The following PARD3B variants were observed in gnomAD, a reference collection of about 807,000 sequenced individuals.
PARD3B encodes par-3 family cell polarity regulator beta.
In PARD3B, 103 loss-of-function variants were observed where a neutral mutation model predicts 130.2. The observed-to-expected ratio is 0.79, with a 90% CI of 0.67 to 0.93. The LOEUF is 0.93. PARD3B is among the 40% of genes least tolerant of loss of function. The pLI is 0.00. For synonymous variants in PARD3B, 583 were observed against 553.2 expected (o/e 1.05, Z -0.76); for missense variants, 1,609 against 1,499.2 (o/e 1.07, Z -1.21).
At chr2:205,199,980 A>G (rs927963926) in intron 15 of PARD3B, among the ~76,000 whole-genome samples, 1 of 152,148 alleles carries the variant, frequency 6.6e-6, no homozygotes, top group Non-Finnish European at 1.5e-5. Context: ...ATTAAAAAAA[A>G]AAAAATGTGG....
intron 16 of PARD3B, among the ~76,000 whole-genome samples, chr2:205,259,491 T>C (rs1382411924): frequency 1.3e-5 from 2 of 152,198 alleles, no homozygotes; most frequent in Non-Finnish European, 2.9e-5. Context: ...TACTCTTAAA[T>C]TCTCTTTGTC....
intron 4 of PARD3B, among the ~76,000 whole-genome samples, chr2:205,052,583 G>T (rs1699299503): frequency 6.6e-6 from 1 of 151,416 alleles, no homozygotes; most frequent in African/African-American, 2.4e-5. Context: ...TCATGAAAGA[G>T]ATTCTATTAC....
At chr2:204,565,024 T>C (rs2031584712) in intron 1 of PARD3B, among the ~76,000 whole-genome samples, 1 of 152,234 alleles carries the variant, frequency 6.6e-6, no homozygotes, top group Non-Finnish European at 1.5e-5. Context: ...TGCTCTCATC[T>C]GGAGGCTTGA....
At chr2:204,864,747 C>T (rs1168053373) in intron 2 of PARD3B, among the ~76,000 whole-genome samples, 1 of 152,146 alleles carries the variant, frequency 6.6e-6, no homozygotes, top group Non-Finnish European at 1.5e-5. Flanking sequence ...GTCTGATTTT[C>T]TTACCACCCT....
intron 15 of PARD3B, among the ~76,000 whole-genome samples, chr2:205,224,051 G>A (rs1484936202): frequency 5.1e-5 from 7 of 138,570 alleles, no homozygotes; most frequent in Non-Finnish European, 7.7e-5. Flanking sequence ...GTGACAGAGT[G>A]AGACTCCATC....
chr2:204,593,342 G>T (rs1271800787), intron 1 of PARD3B, among the ~76,000 whole-genome samples: 1 of 152,090 alleles, frequency 6.6e-6, no homozygotes, highest in Non-Finnish European at 1.5e-5. Flanking sequence ...TAGGGGAGGG[G>T]GCTTGCGCAT....
chr2:204,929,004 G>T (rs1243657699), intron 2 of PARD3B, among the ~76,000 whole-genome samples: 3 of 152,032 alleles, frequency 2.0e-5, no homozygotes, highest in East Asian at 3.9e-4. Flanking sequence ...TATTTAACTT[G>T]TTTTTCCAAT....
intron 1 of PARD3B, among the ~76,000 whole-genome samples, chr2:204,608,461 C>T (rs1380808402): frequency 6.6e-6 from 1 of 152,144 alleles, no homozygotes; most frequent in Non-Finnish European, 1.5e-5. Context: ...GCAGCATGCT[C>T]CTTTGCTCCC....
chr2:204,546,482 C>G (rs2029944249), intron 1 of PARD3B, among the ~76,000 whole-genome samples: 1 of 152,156 alleles, frequency 6.6e-6, no homozygotes, highest in East Asian at 1.9e-4. Context: ...TTTGAGGGAA[C>G]GTCTTAAAAG....
chr2:205,414,355 G>T (rs2046703221), intron 19 of PARD3B, among the ~76,000 whole-genome samples: 1 of 152,134 alleles, frequency 6.6e-6, no homozygotes. Context: ...TCAGTAAAGA[G>T]AAGATATTCA....
chr2:204,665,617 C>T (rs1033962698), intron 1 of PARD3B, among the ~76,000 whole-genome samples: 1 of 152,142 alleles, frequency 6.6e-6, no homozygotes, highest in African/African-American at 2.4e-5. Flanking sequence ...TTTGTGACCT[C>T]AGGGAGTGTG....
chr2:205,148,782 T>C (rs2033547804), intron 10 of PARD3B, among the ~76,000 whole-genome samples: 1 of 152,122 alleles, frequency 6.6e-6, no homozygotes, highest in South Asian at 2.1e-4. Context: ...GACAAAATGA[T>C]TGCATGTGAA....
chr2:204,845,151 G>A (rs898800526), intron 2 of PARD3B, among the ~76,000 whole-genome samples: 8 of 152,164 alleles, frequency 5.3e-5, no homozygotes, highest in African/African-American at 1.9e-4. Flanking sequence ...AGGACAGTCT[G>A]ACAGGTGTTA....
intron 15 of PARD3B, among the ~76,000 whole-genome samples, chr2:205,237,204 A>G (rs368039510): frequency 6.6e-5 from 10 of 152,206 alleles, no homozygotes; most frequent in Middle Eastern, 3.4e-3. Flanking sequence ...GGTTCAAGCA[A>G]TTCTCCTGCC....
At chr2:204,888,126 G>T (rs1210245338) in intron 2 of PARD3B, among the ~76,000 whole-genome samples, 1 of 152,122 alleles carries the variant, frequency 6.6e-6, no homozygotes, top group African/African-American at 2.4e-5. Context: ...CAGTTTTGCA[G>T]GGAGGAGAGA....
At chr2:204,713,572 C>T (rs1178033289) in intron 2 of PARD3B, among the ~76,000 whole-genome samples, 1 of 151,928 alleles carries the variant, frequency 6.6e-6, no homozygotes, top group African/African-American at 2.4e-5. Flanking sequence ...TCCCCTCTTC[C>T]CATCAGACCC....
At position 205,352,266 on chromosome 2, in the gene PARD3B, A is replaced by C. The variant is rs1292946683; in HGVS notation, c.2631-48747A>C. On this transcript the variant is annotated intron_variant, in intron 18 of 22. Coordinates refer to ENST00000406610, the MANE Select transcript of PARD3B (RefSeq NM_001302769.2). The surrounding 1 kb of genome is among the most constrained non-coding windows in gnomAD (Gnocchi z 5.2). ...TGTGTGAAGGAGGGAAAAAAAACAT[A>C]GTAGAGCTTTTCTTTTCACTGTACA... is the stretch of plus-strand genomic sequence containing the variant. Among the ~76,000 whole-genome samples the C allele has an allele frequency of 1.3e-5, 2 of 152,194 alleles. No homozygotes were observed. Among genetic ancestry groups the C allele is most frequent in the African/African-American group, 4.8e-5 (2 of 41,450 alleles).
Position 205,047,649 on chromosome 2 carries a change from G to A in PARD3B, c.463G>A (p.Ala155Thr), listed in dbSNP as rs375051020. 144 of 1,550,832 alleles carry A rather than the reference G, an allele frequency of 9.3e-5. No homozygotes were observed. The highest frequency in any genetic ancestry group is 1.2e-4 in the Non-Finnish European group (133 of 1,146,806). ...CCCACCTGCTGATACCCAGCCAAGC[G>A]CTTCACACCCTGGTGGCCAGAGTCT... ...PGPPADTQPS[A>T]SHPGGQSLKL... The change falls in exon 4 of 23, where the codon GCT (alanine) becomes ACT (threonine). Residue 155 changes from alanine (A) to threonine (T), a missense_variant. Ala to Thr is a moderately conservative substitution (Grantham distance 58). Coordinates refer to ENST00000406610, the MANE Select transcript of PARD3B (RefSeq NM_001302769.2).
chr2:204,885,461 G>A (rs1188736271), intron 2 of PARD3B, among the ~76,000 whole-genome samples: 1 of 152,096 alleles, frequency 6.6e-6, no homozygotes, highest in Non-Finnish European at 1.5e-5. Flanking sequence ...ATAAAAATAA[G>A]ACAAATTGTA....
Sources: gnomAD v4.1 joint callset for allele counts (sites outside exome capture counted in the v4.1 genomes callset) on GRCh38, gnomAD v4.1.1 for gene constraint, Gnocchi (gnomAD v3.1) non-coding constraint, MANE v1.5 for transcripts, NCBI Gene and HGNC (gene_info 2026-07-23, HGNC 2026-07-21) for gene names.